Variants in LHFPL3 observed in about 807,000 individuals in gnomAD.
LHFPL3 encodes the protein LHFPL tetraspan subfamily member 3 protein.
A neutral mutation model predicts 19.3 loss-of-function variants in LHFPL3; 5 were observed. The observed-to-expected ratio is 0.26, with a 90% CI of 0.14 to 0.54. LHFPL3 has a LOEUF of 0.54. Ranked by LOEUF, LHFPL3 falls within the 20% of genes least tolerant of loss-of-function variation. LHFPL3 has a pLI of 0.94. For missense variants in LHFPL3, 249 were observed against 307.4 expected (o/e 0.81, Z 1.42); for synonymous variants, 133 against 126.2 (o/e 1.05, Z -0.36).
chr7:104,476,186 A>G (rs1226101841), intron 1 of LHFPL3, among the ~76,000 whole-genome samples: 1 of 152,238 alleles, frequency 6.6e-6, no homozygotes, highest in Non-Finnish European at 1.5e-5. Flanking sequence ...ACAGGAAAAT[A>G]AAACAAACAC....
chr7:104,761,350 A>G (rs535638059), intron 2 of LHFPL3, among the ~76,000 whole-genome samples: 2 of 152,246 alleles, frequency 1.3e-5, no homozygotes, highest in African/African-American at 4.8e-5. Context: ...AAGTAGGGAA[A>G]AGGTAGGGTG....
chr7:104,607,341 C>A (rs1002759061), intron 1 of LHFPL3, among the ~76,000 whole-genome samples: 4 of 152,298 alleles, frequency 2.6e-5, no homozygotes, highest in African/African-American at 9.6e-5. Context: ...GAGTTTCAAT[C>A]ACAGAGGACT....
intron 1 of LHFPL3, among the ~76,000 whole-genome samples, chr7:104,337,748 G>T (rs958101608): frequency 4.6e-5 from 7 of 152,164 alleles, no homozygotes; most frequent in Non-Finnish European, 1.0e-4. Flanking sequence ...AACATTTTAA[G>T]AACCTGTATA....
chr7:104,779,449 G>A (rs1214513470), intron 2 of LHFPL3, among the ~76,000 whole-genome samples: 1 of 152,044 alleles, frequency 6.6e-6, no homozygotes, highest in Non-Finnish European at 1.5e-5. Flanking sequence ...ATTCCACTTG[G>A]GAATCAAGAC....
At chr7:104,681,979 G>A (rs1045291061) in intron 1 of LHFPL3, among the ~76,000 whole-genome samples, 6 of 152,104 alleles carry the variant, frequency 3.9e-5, no homozygotes, top group East Asian at 1.9e-4. Context: ...ACAAATAACC[G>A]AACCATAGCG....
intron 1 of LHFPL3, among the ~76,000 whole-genome samples, chr7:104,577,867 T>G (rs745311085): frequency 2.0e-5 from 3 of 152,198 alleles, no homozygotes; most frequent in Non-Finnish European, 4.4e-5. Context: ...CTTTAATAAG[T>G]GCTTAAAGCA....
intron 1 of LHFPL3, among the ~76,000 whole-genome samples, chr7:104,487,920 T>G (rs1793268506): frequency 6.6e-6 from 1 of 152,210 alleles, no homozygotes; most frequent in South Asian, 2.1e-4. Context: ...TAGTTGGGAT[T>G]CACAAACTTG....
intron 2 of LHFPL3, among the ~76,000 whole-genome samples, chr7:104,781,540 C>T (rs1287673014): frequency 6.6e-6 from 1 of 152,086 alleles, no homozygotes; most frequent in Admixed American, 6.6e-5. Flanking sequence ...TTTTTCCCAA[C>T]ATCACTGAAA....
At chr7:104,605,909 C>T (rs1175459509) in intron 1 of LHFPL3, among the ~76,000 whole-genome samples, 1 of 151,710 alleles carries the variant, frequency 6.6e-6, no homozygotes, top group Non-Finnish European at 1.5e-5. Context: ...AAAGCTACCC[C>T]GTCTTTTAAC....
chr7:104,374,355 C>T (rs1790669616), intron 1 of LHFPL3, among the ~76,000 whole-genome samples: 1 of 151,982 alleles, frequency 6.6e-6, no homozygotes, highest in Admixed American at 6.6e-5. Flanking sequence ...GATTCTCCTG[C>T]CTCAGCCTCC....
intron 1 of LHFPL3, among the ~76,000 whole-genome samples, chr7:104,543,949 G>A (rs1794535068): frequency 6.7e-6 from 1 of 149,026 alleles, no homozygotes. Flanking sequence ...TAGATGACAG[G>A]TTGATAGGTG....
chr7:104,471,616 T>A (rs906094068), intron 1 of LHFPL3, among the ~76,000 whole-genome samples: 6 of 152,202 alleles, frequency 3.9e-5, no homozygotes, highest in Non-Finnish European at 8.8e-5. Flanking sequence ...TATAGAAACC[T>A]TGGTGAATCT....
chr7:104,644,416 C>T (rs751787599), intron 1 of LHFPL3, among the ~76,000 whole-genome samples: 2 of 152,166 alleles, frequency 1.3e-5, no homozygotes, highest in Non-Finnish European at 2.9e-5. Context: ...CTGCCTGTAA[C>T]ACAGGCACAT....
intron 2 of LHFPL3, among the ~76,000 whole-genome samples, chr7:104,779,748 A>G (rs1419481550): frequency 1.3e-5 from 2 of 152,232 alleles, no homozygotes. Flanking sequence ...GCCACTGCCA[A>G]ACTTGATAGA....
chr7:104,715,111 G>C (rs1359492085), intron 1 of LHFPL3, among the ~76,000 whole-genome samples: 1 of 152,122 alleles, frequency 6.6e-6, no homozygotes, highest in Non-Finnish European at 1.5e-5. Context: ...AGACCAGCCT[G>C]AGCAGCATAG....
intron 1 of LHFPL3, among the ~76,000 whole-genome samples, chr7:104,428,929 G>A (rs1041328546): frequency 3.3e-5 from 5 of 152,184 alleles, no homozygotes; most frequent in Admixed American, 6.5e-5. Context: ...GAACACTGAT[G>A]TCAGGGTTAG....
intron 1 of LHFPL3, among the ~76,000 whole-genome samples, chr7:104,340,725 T>C (rs927152903): frequency 3.9e-5 from 6 of 152,228 alleles, no homozygotes; most frequent in African/African-American, 1.4e-4. Context: ...GCTATTGTGA[T>C]TCTTATAATG....
chr7:104,350,456 G>A (rs1790151261), intron 1 of LHFPL3, among the ~76,000 whole-genome samples: 1 of 152,192 alleles, frequency 6.6e-6, no homozygotes, highest in South Asian at 2.1e-4. Context: ...GACTAGTATA[G>A]AGAGTCTATG....
At chr7:104,807,353 C>T (rs1306325200) in intron 2 of LHFPL3, among the ~76,000 whole-genome samples, 1 of 152,134 alleles carries the variant, frequency 6.6e-6, no homozygotes, top group African/African-American at 2.4e-5. Context: ...TCCTCACAGC[C>T]ACCAGAAGGA....
Sources: gnomAD v4.1 joint callset for allele counts (sites outside exome capture counted in the v4.1 genomes callset) on GRCh38, gnomAD v4.1.1 for gene constraint, MANE v1.5 for transcripts, NCBI Gene and HGNC (gene_info 2026-07-23, HGNC 2026-07-21) for gene names.